The following RBMS3 variants were observed in gnomAD, a reference collection of about 807,000 sequenced individuals.
RBMS3 encodes the protein RNA binding motif single stranded interacting protein 3, also known as RNA-binding motif, single-stranded-interacting protein 3.
A neutral mutation model predicts 66.8 loss-of-function variants in RBMS3; 27 were observed. The ratio of observed to expected loss-of-function variants is 0.40; its 90% CI spans 0.30 to 0.56. RBMS3 has a LOEUF of 0.56. Among genes scored for constraint, RBMS3 ranks in the 20% least tolerant of loss-of-function variants. The pLI, the probability that RBMS3 is intolerant of heterozygous loss-of-function variation, is 0.40. For synonymous variants in RBMS3, 188 were observed against 183.0 expected (o/e 1.03, Z -0.22); for missense variants, 513 against 549.5 (o/e 0.93, Z 0.66).
intron 4 of RBMS3, among the ~76,000 whole-genome samples, chr3:29,610,212 G>T (rs558524946): frequency 6.6e-6 from 1 of 151,906 alleles, no homozygotes. Flanking sequence ...GTGAATACAG[G>T]TACACTCTAG....
chr3:29,928,044 A>G (rs1218083587), intron 10 of RBMS3, among the ~76,000 whole-genome samples: 1 of 151,876 alleles, frequency 6.6e-6, no homozygotes, highest in African/African-American at 2.4e-5. Context: ...AGTGTCTTAA[A>G]AAGGACATTT....
At chr3:29,634,893 G>T (rs2049418997) in intron 4 of RBMS3, among the ~76,000 whole-genome samples, 1 of 151,832 alleles carries the variant, frequency 6.6e-6, no homozygotes, top group Non-Finnish European at 1.5e-5. Flanking sequence ...TCTTTCTGAA[G>T]TACACTAGTT....
rs1216345801 is a variant in RBMS3, at chr3:30,005,324, T to C, written c.*1462T>C. ...AGAGTTCTGGATATGAACTGATTCATAGAGCCAAGTGGCTTTAAATTCTGT... is the reference window on the plus strand; with the variant it reads ...AGAGTTCTGGATATGAACTGATTCACAGAGCCAAGTGGCTTTAAATTCTGT... On this transcript the variant is annotated 3_prime_UTR_variant, in exon 15 of 15. Coordinates refer to ENST00000383767, the MANE Select transcript of RBMS3 (RefSeq NM_001003793.3). The C allele has an allele frequency of 6.6e-6, 1 of 151,852 alleles. No homozygotes were observed. Among genetic ancestry groups the C allele is most frequent in the Non-Finnish European group, 1.5e-5 (1 of 67,822 alleles). The allele number at this position is 151,852 out of a possible 1,614,324, so 9.4% of individuals were successfully genotyped here.
intron 10 of RBMS3, among the ~76,000 whole-genome samples, chr3:29,911,694 T>C (rs1032089472): frequency 6.6e-6 from 1 of 152,084 alleles, no homozygotes; most frequent in African/African-American, 2.4e-5. Context: ...TGTCTCATCA[T>C]TTGACTGTCA....
At chr3:29,753,374 G>A (rs2055267222) in intron 5 of RBMS3, among the ~76,000 whole-genome samples, 1 of 152,134 alleles carries the variant, frequency 6.6e-6, no homozygotes, top group Admixed American at 6.5e-5. Context: ...CCTCAAGACT[G>A]GTAGGTGAGC....
chr3:29,744,580 G>A (rs541244871), intron 5 of RBMS3, among the ~76,000 whole-genome samples: 4 of 152,098 alleles, frequency 2.6e-5, no homozygotes, highest in African/African-American at 4.8e-5. Context: ...TCAGGAGTTC[G>A]AGGCCAGCCT....
At chr3:29,284,066 C>A (rs1461594988) in intron 1 of RBMS3, among the ~76,000 whole-genome samples, 1 of 152,004 alleles carries the variant, frequency 6.6e-6, no homozygotes, top group East Asian at 1.9e-4. Flanking sequence ...ACACTTATAC[C>A]TCAAAATATA....
chr3:29,737,687 T>C (rs550558157), intron 4 of RBMS3, among the ~76,000 whole-genome samples: 6 of 150,264 alleles, frequency 4.0e-5, no homozygotes, highest in East Asian at 3.9e-4. Flanking sequence ...AAATGTCCCC[T>C]TTTTTTTTAT....
Position 29,899,709 on chromosome 3 carries a change from A to T in RBMS3, c.893A>T (p.Gln298Leu). The T allele has an allele frequency of 6.2e-7, 1 of 1,610,430 alleles. No individual in the cohort carries two copies. The highest frequency in any genetic ancestry group is 8.5e-7 in the Non-Finnish European group (1 of 1,177,880). ...AASPVSTYQV[Q>L]STSWMPHPPY... ...TAAATGCTGTTTGATGCATAGGTCC[A>T]GAGTACTTCATGGATGCCTCATCCG... is the stretch of plus-strand genomic sequence containing the variant. The change falls in exon 10 of 15, where the codon CAG (glutamine) becomes CTG (leucine). Residue 298 changes from glutamine to leucine, a missense_variant. Physicochemically the swap from Gln to Leu is moderately radical, Grantham distance 113. Transcript: ENST00000383767.
At chr3:29,522,090 T>G (rs377092943) in intron 3 of RBMS3, among the ~76,000 whole-genome samples, 90 of 152,288 alleles carry the variant, frequency 5.9e-4, no homozygotes, top group African/African-American at 2.1e-3. Flanking sequence ...CTAGGCAGTT[T>G]ATGAAGAAGA....
At chr3:29,329,263 T>C (rs2035514297) in intron 1 of RBMS3, among the ~76,000 whole-genome samples, 1 of 152,180 alleles carries the variant, frequency 6.6e-6, no homozygotes, top group Admixed American at 6.5e-5. Flanking sequence ...CATACTTTTA[T>C]AACCCATTTA....
At chr3:29,770,367 A>G (rs933296051) in intron 6 of RBMS3, among the ~76,000 whole-genome samples, 3 of 152,022 alleles carry the variant, frequency 2.0e-5, no homozygotes, top group Non-Finnish European at 4.4e-5. Context: ...ATTATATAAC[A>G]TACTCTGTAA....
Position 29,606,895 on chromosome 3 carries a change from T to C in RBMS3, c.399+19690T>C, listed in dbSNP as rs146359193. The stretch of plus-strand genomic sequence containing the variant: ...TTGAATTGAAAATTTTTCCATTGTA[T>C]TAATTTAGAGTGAAATTTTTCTCAT... On this transcript the variant is annotated intron_variant, in intron 4 of 14. Coordinates refer to ENST00000383767, the MANE Select transcript of RBMS3 (RefSeq NM_001003793.3). Among the ~76,000 whole-genome samples the C allele has an allele frequency of 2.2e-3, 335 of 152,132 alleles. 2 individuals are homozygous for C. Among genetic ancestry groups the C allele is most frequent in the African/African-American group, 7.2e-3 (298 of 41,538 alleles).
intron 3 of RBMS3, among the ~76,000 whole-genome samples, chr3:29,584,523 C>T (rs139334246): frequency 5.3e-5 from 8 of 152,046 alleles, no homozygotes; most frequent in South Asian, 2.1e-4. Flanking sequence ...TTAGATGTCT[C>T]GGGCATTTCT....
intron 3 of RBMS3, among the ~76,000 whole-genome samples, chr3:29,491,540 T>C (rs1041058793): frequency 1.3e-5 from 2 of 152,196 alleles, no homozygotes; most frequent in African/African-American, 4.8e-5. Flanking sequence ...CAAAATACTT[T>C]TATCTCTAGT....
intron 14 of RBMS3, among the ~76,000 whole-genome samples, chr3:29,997,823 G>A (rs1419252283): frequency 3.9e-5 from 6 of 152,004 alleles, no homozygotes; most frequent in Non-Finnish European, 5.9e-5. Context: ...TACTGAATGG[G>A]CAAAAACTGG....
intron 4 of RBMS3, among the ~76,000 whole-genome samples, chr3:29,679,786 ATT>A (rs2051411434): frequency 6.7e-6 from 1 of 149,914 alleles, no homozygotes; most frequent in African/African-American, 2.5e-5. Flanking sequence ...ATATATATAT[ATT>A]ATACATAGTG....
At chr3:29,324,208 A>G (rs533091058) in intron 1 of RBMS3, among the ~76,000 whole-genome samples, 4 of 152,296 alleles carry the variant, frequency 2.6e-5, no homozygotes, top group African/African-American at 7.2e-5. Flanking sequence ...CATTTTCCTC[A>G]GGAAGGACCC....
At chr3:29,974,891 T>C (rs1378449852) in intron 12 of RBMS3, among the ~76,000 whole-genome samples, 1 of 144,226 alleles carries the variant, frequency 6.9e-6, no homozygotes, top group Non-Finnish European at 1.5e-5. Flanking sequence ...ATATATAAAA[T>C]ACGTTTCTAT....
Sources: allele counts gnomAD v4.1 joint callset (sites outside exome capture counted in the v4.1 genomes callset), GRCh38; gene constraint gnomAD v4.1.1; transcripts MANE v1.5; gene names NCBI Gene and HGNC (gene_info 2026-07-23, HGNC 2026-07-21).